FAM90A20: variants seen among roughly 807,000 people sequenced by gnomAD.
FAM90A20 encodes the protein protein FAM90A20.
At chr8:7,297,123 T>C in the FAM90A20 span, 1 of 1,513,514 alleles carries the variant, frequency 6.6e-7, no homozygotes, top group Non-Finnish European at 8.9e-7. Context: ...GACCCTGTCC[T>C]CTCTGGTCGC....
At chr8:7,295,720 G>C in the FAM90A20 span, 7 of 934,856 alleles carry the variant, frequency 7.5e-6, no homozygotes, top group African/African-American at 6.0e-5. Flanking sequence ...TGGTTCCAGC[G>C]ACCTTGGGGA....
the FAM90A20 span, chr8:7,297,563 C>G: frequency 2.6e-6 from 4 of 1,514,384 alleles, no homozygotes; most frequent in South Asian, 4.5e-5. Context: ...GAGACTGGGT[C>G]CCTTCCAGAT....
chr8:7,297,581 A>T, the FAM90A20 span: 1 of 1,507,536 alleles, frequency 6.6e-7, no homozygotes, highest in Admixed American at 1.7e-5. Flanking sequence ...GATCCCCGAA[A>T]GCACCATCCA....
At chr8:7,297,404 C>T in the FAM90A20 span, 1 of 1,544,518 alleles carries the variant, frequency 6.5e-7, no homozygotes, top group Non-Finnish European at 8.8e-7. Flanking sequence ...AACCCAGGCA[C>T]AAGACAAACG....
the FAM90A20 span, chr8:7,297,706 T>C: frequency 1.9e-3 from 2,830 of 1,453,388 alleles, 479 homozygotes; most frequent in African/African-American, 0.019. Context: ...TGCCCAGCGT[T>C]GAACGGCAGC....
At chr8:7,296,388 T>A in the FAM90A20 span, 10 of 746,726 alleles carry the variant, frequency 1.3e-5, 3 homozygotes, top group East Asian at 2.5e-4. Flanking sequence ...AATCTTCTGA[T>A]TATCTGAGGG....
At chr8:7,296,955 T>G in the FAM90A20 span, 3 of 998,806 alleles carry the variant, frequency 3.0e-6, 1 homozygote, top group Non-Finnish European at 4.4e-6. Context: ...CTGTCGATAC[T>G]GTACTAAGAA....
the FAM90A20 span, chr8:7,297,107 C>G: frequency 8.7e-6 from 13 of 1,501,846 alleles, 1 homozygote; most frequent in Non-Finnish European, 9.9e-6. Flanking sequence ...TAAGAGGCCG[C>G]GCATGGACCC....
the FAM90A20 span, chr8:7,297,473 T>C: frequency 1.9e-6 from 3 of 1,541,856 alleles, no homozygotes; most frequent in East Asian, 2.2e-5. Context: ...GGGCCTAGGC[T>C]CCAATCTCAG....
chr8:7,296,094 C>A, the FAM90A20 span, among the ~76,000 whole-genome samples: 3 of 130,430 alleles, frequency 2.3e-5, no homozygotes, highest in Non-Finnish European at 4.6e-5. Context: ...AAATCACAGT[C>A]CTTAGTTGGG....
chr8:7,297,489 G>C, the FAM90A20 span: 2 of 1,534,604 alleles, frequency 1.3e-6, no homozygotes, highest in Non-Finnish European at 1.8e-6. Flanking sequence ...CTCAGCTTTG[G>C]GTCAGGAGCC....
the FAM90A20 span, chr8:7,297,901 C>A: frequency 1.6e-5 from 12 of 737,540 alleles, 1 homozygote; most frequent in Admixed American, 6.1e-5. Flanking sequence ...GAGCCTTCCT[C>A]GCTCAGAGCC....
chr8:7,296,074 A>G, the FAM90A20 span, among the ~76,000 whole-genome samples: 6,252 of 128,286 alleles, frequency 0.049, 930 homozygotes, highest in Non-Finnish European at 0.059. Context: ...GGGGAAAAGC[A>G]ATGGAATCCA....
chr8:7,297,253 C>A, the FAM90A20 span: 3 of 1,445,868 alleles, frequency 2.1e-6, 1 homozygote, highest in Non-Finnish European at 2.8e-6. Context: ...GGGCTGCCGC[C>A]GACATCCCTC....
the FAM90A20 span, among the ~76,000 whole-genome samples, chr8:7,296,058 C>A: frequency 3.8e-5 from 5 of 129,972 alleles, no homozygotes; most frequent in East Asian, 4.1e-4. Flanking sequence ...AGGTTCCCCA[C>A]GACAGGGGGA....
At chr8:7,297,832 C>A in the FAM90A20 span, 1 of 1,032,334 alleles carries the variant, frequency 9.7e-7, no homozygotes, top group East Asian at 2.4e-5. Context: ...GACTGGAAAA[C>A]GGACGCTGGA....
At chr8:7,296,058 C>T in the FAM90A20 span, among the ~76,000 whole-genome samples, 30 of 130,022 alleles carry the variant, frequency 2.3e-4, 5 homozygotes, top group Admixed American at 1.8e-3. Context: ...AGGTTCCCCA[C>T]GACAGGGGGA....
the FAM90A20 span, chr8:7,297,204 G>A: frequency 5.9e-6 from 9 of 1,533,964 alleles, no homozygotes; most frequent in Non-Finnish European, 6.2e-6. Flanking sequence ...GCCAGTCTGA[G>A]CTCCTCCTCA....
the FAM90A20 span, chr8:7,295,897 C>T: frequency 3.2e-6 from 2 of 618,734 alleles, no homozygotes; most frequent in African/African-American, 3.2e-5. Flanking sequence ...TGTCTCTGCA[C>T]CTGCACACCG....
Sources: allele counts gnomAD v4.1 joint callset (sites outside exome capture counted in the v4.1 genomes callset), GRCh38; gene constraint gnomAD v4.1.1; transcripts MANE v1.5; gene names NCBI Gene and HGNC (gene_info 2026-07-23, HGNC 2026-07-21).